The following ARHGAP18 variants were observed in gnomAD, a reference collection of about 807,000 sequenced individuals.
ARHGAP18 encodes rho GTPase-activating protein 18.
In ARHGAP18, 67 loss-of-function variants were observed where a neutral mutation model predicts 86.2. That is an observed-to-expected ratio of 0.78 (90% confidence interval 0.64 to 0.95). The LOEUF (loss-of-function observed/expected upper bound fraction) is 0.95. Ranked by LOEUF, ARHGAP18 falls within the 40% of genes least tolerant of loss-of-function variation. ARHGAP18 has a pLI of 0.00. For synonymous variants in ARHGAP18, 283 were observed against 280.4 expected, an observed-to-expected ratio of 1.01 and a Z score of -0.09; for missense variants, 691 against 780.4, an observed-to-expected ratio of 0.89 and a Z score of 1.37.
intron 1 of ARHGAP18, among the ~76,000 whole-genome samples, chr6:129,647,815 A>G (rs1385641008): frequency 6.6e-6 from 1 of 152,186 alleles, no homozygotes; most frequent in Non-Finnish European, 1.5e-5. Flanking sequence ...ATTTAAACCT[A>G]TCCCATTATT....
chr6:129,597,586 C>T (rs930710714), intron 12 of ARHGAP18, among the ~76,000 whole-genome samples: 1 of 152,116 alleles, frequency 6.6e-6, no homozygotes, highest in South Asian at 2.1e-4. Flanking sequence ...TGAGCTACAT[C>T]CCTTCTATAT....
At chr6:129,679,539 G>A (rs186049728) in intron 1 of ARHGAP18, among the ~76,000 whole-genome samples, 3 of 152,348 alleles carry the variant, frequency 2.0e-5, no homozygotes, top group African/African-American at 7.2e-5. Context: ...TTATAGTTAT[G>A]TTGGGAATAC....
Position 129,611,624 on chromosome 6 carries a change from G to T in ARHGAP18, c.1045-14C>A. On this transcript the variant is annotated splice_polypyrimidine_tract_variant and intron_variant, in intron 7 of 14. Coordinates refer to ENST00000368149, the MANE Select transcript of ARHGAP18 (RefSeq NM_033515.3). The stretch of plus-strand genomic sequence containing the variant: ...TCGAGAAATCAGCTGTGCATAAACA[G>T]AGAAACATTCTAATTTCCGTATTTG... The T allele has an allele frequency of 1.2e-6, 2 of 1,610,342 alleles. No individual in the cohort carries two copies. Among genetic ancestry groups the T allele is most frequent in the South Asian group, 2.2e-5 (2 of 90,884 alleles).
At chr6:129,702,207 G>A (rs1041406719) in intron 1 of ARHGAP18, among the ~76,000 whole-genome samples, 5 of 152,130 alleles carry the variant, frequency 3.3e-5, no homozygotes, top group African/African-American at 4.8e-5. Context: ...CTGGTCACAC[G>A]GGTCTCCATG....
At chr6:129,692,719 A>G (rs1157156382) in intron 1 of ARHGAP18, among the ~76,000 whole-genome samples, 1 of 152,188 alleles carries the variant, frequency 6.6e-6, no homozygotes, top group Non-Finnish European at 1.5e-5. Context: ...TCTATTTATA[A>G]AACAGGTCTA....
At chr6:129,668,788 TC>T (rs1326451603) in intron 1 of ARHGAP18, among the ~76,000 whole-genome samples, 4 of 152,186 alleles carry the variant, frequency 2.6e-5, no homozygotes, top group Admixed American at 6.5e-5. Context: ...GCACTGCTCT[TC>T]TCCAACACTC....
At position 129,625,095 on chromosome 6, in the gene ARHGAP18, TGA is replaced by T. The variant is rs1394101596; in HGVS notation, c.786+4256_786+4257del. On this transcript the variant is annotated intron_variant, in intron 5 of 14. Transcript: ENST00000368149. ...TATAATATATATGATATATGATATA[TGA>T]TATATATTATATATTATATAGATAT... Among the ~76,000 whole-genome samples the T allele has an allele frequency of 1.1e-4, 11 of 98,104 alleles. 1 individual carries two copies. The South Asian group carries it at 1.4e-3, about 12-fold the overall frequency. 64.4% of individuals were successfully genotyped at this position (98,104 alleles called of 152,430 possible). A position where few individuals can be genotyped will look rare whatever the true frequency, so the allele number is the denominator to read the frequency against.
At position 129,629,226 on chromosome 6, in the gene ARHGAP18, T is replaced by A. The variant is rs1773127033; in HGVS notation, c.786+127A>T. On this transcript the variant is annotated intron_variant, in intron 5 of 14. Transcript: ENST00000368149. Reference sequence around the variant, plus strand: ...TAGTGAGGCCTCATCTTTCTCTCTGTCTGTCTGTCTCTCTCTCTCTCTATA... The same window carrying A: ...TAGTGAGGCCTCATCTTTCTCTCTGACTGTCTGTCTCTCTCTCTCTCTATA... 5 of 837,880 alleles carry A rather than the reference T, an allele frequency of 6.0e-6. No homozygotes were observed. The South Asian group carries it at 1.3e-4, about 21-fold the overall frequency. The allele number at this position is 837,880 out of a possible 1,614,324, so 51.9% of individuals were successfully genotyped here. A position where few individuals can be genotyped will look rare whatever the true frequency, so the allele number is the denominator to read the frequency against.
At chr6:129,626,468 A>G (rs992148570) in intron 5 of ARHGAP18, among the ~76,000 whole-genome samples, 1 of 152,056 alleles carries the variant, frequency 6.6e-6, no homozygotes, top group Non-Finnish European at 1.5e-5. Flanking sequence ...GGACTATATA[A>G]GTATTTTACA....
intron 5 of ARHGAP18, among the ~76,000 whole-genome samples, chr6:129,627,952 A>G (rs1789516125): frequency 6.6e-6 from 1 of 152,164 alleles, no homozygotes; most frequent in Non-Finnish European, 1.5e-5. Flanking sequence ...AATATAATTC[A>G]GAGATGTATT....
Position 129,580,335 on chromosome 6 carries a change from A to G in ARHGAP18, c.1839-204T>C, listed in dbSNP as rs141637857. On this transcript the variant is annotated intron_variant, in intron 13 of 14. Transcript: ENST00000368149. ...CACACCTGTAAATTAAAATAAACAA[A>G]TGGAATTATACATCTGAAGGCAAAG... Among the ~76,000 whole-genome samples, 741 of 152,344 alleles carry G rather than the reference A, an allele frequency of 4.9e-3. 7 individuals carry two copies. The highest frequency in any genetic ancestry group is 0.017 in the African/African-American group (703 of 41,588).
At chr6:129,599,954 A>G (rs910945965) in intron 11 of ARHGAP18, among the ~76,000 whole-genome samples, 1 of 152,212 alleles carries the variant, frequency 6.6e-6, no homozygotes, top group Non-Finnish European at 1.5e-5. Flanking sequence ...TTAATTTTTT[A>G]TTAAAAAAAC....
chr6:129,662,853 GA>G (rs1455104904), intron 1 of ARHGAP18, among the ~76,000 whole-genome samples: 1 of 152,146 alleles, frequency 6.6e-6, no homozygotes, highest in Non-Finnish European at 1.5e-5. Flanking sequence ...TTCCTAATAA[GA>G]AACTTAAAAG....
At chr6:129,624,862 T>C (rs537799683) in intron 5 of ARHGAP18, among the ~76,000 whole-genome samples, 15 of 149,250 alleles carry the variant, frequency 1.0e-4, no homozygotes, top group African/African-American at 3.7e-4. Context: ...GGAGAATTGC[T>C]TGTATCCAGG....
chr6:129,669,075 T>C (rs1343395725), intron 1 of ARHGAP18, among the ~76,000 whole-genome samples: 1 of 152,134 alleles, frequency 6.6e-6, no homozygotes, highest in African/African-American at 2.4e-5. Context: ...ACGCGGTGTC[T>C]GTAGGACAGG....
chr6:129,616,765 G>T (rs1477236905), intron 6 of ARHGAP18, among the ~76,000 whole-genome samples: 2 of 152,028 alleles, frequency 1.3e-5, no homozygotes, highest in Non-Finnish European at 2.9e-5. Context: ...CTAAGCCTGG[G>T]CAACATAGCA....
intron 1 of ARHGAP18, among the ~76,000 whole-genome samples, chr6:129,702,512 C>T (rs1774732038): frequency 6.6e-6 from 1 of 152,190 alleles, no homozygotes; most frequent in African/African-American, 2.4e-5. Context: ...AGGGTGGGCA[C>T]AGGACAGAGG....
chr6:129,633,237 C>T (rs1451184250), intron 4 of ARHGAP18, among the ~76,000 whole-genome samples: 1 of 148,200 alleles, frequency 6.7e-6, no homozygotes, highest in African/African-American at 2.5e-5. Context: ...AGACCAGCCT[C>T]GCCAACATGG....
intron 7 of ARHGAP18, among the ~76,000 whole-genome samples, chr6:129,612,139 T>C (rs902133306): frequency 1.3e-5 from 2 of 152,228 alleles, no homozygotes; most frequent in East Asian, 3.8e-4. Context: ...TGATGCCCAA[T>C]GAATACGCTG....
Sources: gnomAD v4.1 joint callset for allele counts (sites outside exome capture counted in the v4.1 genomes callset) on GRCh38, gnomAD v4.1.1 for gene constraint, MANE v1.5 for transcripts, NCBI Gene and HGNC (gene_info 2026-07-23, HGNC 2026-07-21) for gene names.